Variants in CHRM5 observed in about 807,000 individuals in gnomAD.
The protein encoded by CHRM5 is muscarinic acetylcholine receptor M5.
In CHRM5, 18 loss-of-function variants were observed where a neutral mutation model predicts 39.0. The observed-to-expected ratio is 0.46, with a 90% confidence interval of 0.32 to 0.68. The LOEUF is 0.68. CHRM5 is among the 30% of genes least tolerant of loss of function. The pLI, the probability that CHRM5 is intolerant of heterozygous loss-of-function variation, is 0.04. For missense variants in CHRM5, 515 were observed against 651.1 expected, an observed-to-expected ratio of 0.79 and a Z score of 2.28; for synonymous variants, 241 against 246.3, an observed-to-expected ratio of 0.98 and a Z score of 0.20.
chr15:33,994,549 T>A (rs1896857625), intron 1 of CHRM5, among the ~76,000 whole-genome samples: 1 of 152,164 alleles, frequency 6.6e-6, no homozygotes, highest in African/African-American at 2.4e-5. Flanking sequence ...ACAAAACCGG[T>A]CCCTGGTGCC....
chr15:34,061,166 A>C (rs1270303241), intron 2 of CHRM5, among the ~76,000 whole-genome samples: 3 of 152,030 alleles, frequency 2.0e-5, no homozygotes, highest in Admixed American at 1.3e-4. Flanking sequence ...GAAAATGGGG[A>C]GCTTGCAAGC....
chr15:33,981,055 T>C (rs1372578607), intron 1 of CHRM5, among the ~76,000 whole-genome samples: 1 of 149,578 alleles, frequency 6.7e-6, no homozygotes, highest in East Asian at 2.0e-4. Context: ...AGTTTTTATA[T>C]AAACATACAA....
In CHRM5 at chr15:34,063,702, G is replaced by T. The variant is rs145125191; in HGVS notation, c.985G>T (p.Gly329Cys). 590 of 1,614,180 alleles carry T rather than the reference G, an allele frequency of 3.7e-4. 6 individuals are homozygous for T. The African/African-American group carries it at 7.0e-3, about 19-fold the overall frequency. ...PVLQVVYKSQ[G>C]KESPGEEFSA... ...CCTCCAAGTGGTCTACAAGAGTCAG[G>T]GTAAGGAAAGCCCAGGGGAAGAATT... The change falls in exon 3 of 3, where the codon GGT becomes TGT. Residue 329 changes from glycine to cysteine, a missense_variant. Coordinates refer to ENST00000383263, the MANE Select transcript of CHRM5 (RefSeq NM_012125.4). The surrounding 1 kb of genome is among the most constrained non-coding windows in gnomAD (Gnocchi z 4.1).
chr15:34,014,223 G>C (rs2140677694), intron 1 of CHRM5, among the ~76,000 whole-genome samples: 1 of 152,030 alleles, frequency 6.6e-6, no homozygotes, highest in East Asian at 1.9e-4. Context: ...AATTAGCCAG[G>C]CGTGGTGGCA....
intron 1 of CHRM5, among the ~76,000 whole-genome samples, chr15:34,008,145 G>A (rs1395434014): frequency 6.6e-6 from 1 of 152,080 alleles, no homozygotes; most frequent in East Asian, 1.9e-4. Context: ...GGTGGGCCTG[G>A]CACCATGGCT....
chr15:34,056,681 ATGAT>A (rs1261685814), intron 2 of CHRM5, among the ~76,000 whole-genome samples: 3 of 152,128 alleles, frequency 2.0e-5, no homozygotes, highest in African/African-American at 7.2e-5. Flanking sequence ...TTCTGCTTGA[ATGAT>A]TGGGAGCAGT....
At position 34,066,845 on chromosome 15, in the gene CHRM5, G is replaced by C. The variant is rs1900524400; in HGVS notation, c.*2529G>C. ...AAAAAAGAGAGAGAGAGAGGTCAATGCTTCTTTTTTTATCATTGGTTTTGG... is the reference window on the plus strand; with the variant it reads ...AAAAAAGAGAGAGAGAGAGGTCAATCCTTCTTTTTTTATCATTGGTTTTGG... On this transcript the variant is annotated 3_prime_UTR_variant, in exon 3 of 3. Coordinates refer to ENST00000383263, the MANE Select transcript of CHRM5 (RefSeq NM_012125.4). 1 of 150,940 alleles carries C rather than the reference G, an allele frequency of 6.6e-6. No individual in the cohort carries two copies. The highest frequency in any genetic ancestry group is 2.4e-5 in the African/African-American group (1 of 41,006). The allele number at this position is 150,940 out of a possible 1,614,324, so 9.4% of individuals were successfully genotyped here.
intron 1 of CHRM5, among the ~76,000 whole-genome samples, chr15:34,006,894 A>T (rs1231762001): frequency 6.6e-6 from 1 of 152,262 alleles, no homozygotes; most frequent in Non-Finnish European, 1.5e-5. Flanking sequence ...GAGACAAAAT[A>T]AAAATATGCA....
intron 1 of CHRM5, among the ~76,000 whole-genome samples, chr15:34,032,735 G>T (rs1898917691): frequency 6.6e-6 from 1 of 152,168 alleles, no homozygotes; most frequent in African/African-American, 2.4e-5. Context: ...ACCCTAGAAG[G>T]CACCTGAAGA....
At chr15:34,062,570 A>AAAC (rs1555521301) in intron 2 of CHRM5, 73 bp from the exon 3 acceptor site, 1 of 691,586 alleles carries the variant, frequency 1.4e-6, no homozygotes, top group Admixed American at 3.5e-5. Context: ...AAAAAAAAAA[A>AAAC]AAAACTATAA....
At chr15:34,015,844 A>C (rs532065146) in intron 1 of CHRM5, among the ~76,000 whole-genome samples, 13 of 152,382 alleles carry the variant, frequency 8.5e-5, no homozygotes, top group Admixed American at 3.3e-4. Flanking sequence ...GATAAAAATG[A>C]GAGGCATGAA....
intron 1 of CHRM5, among the ~76,000 whole-genome samples, chr15:33,983,087 C>T (rs150920153): frequency 6.6e-6 from 1 of 151,466 alleles, no homozygotes; most frequent in African/African-American, 2.4e-5. Flanking sequence ...ATATATAAAT[C>T]ACTTGGGATA....
At chr15:33,985,845 G>T (rs1381830979) in intron 1 of CHRM5, among the ~76,000 whole-genome samples, 3 of 152,066 alleles carry the variant, frequency 2.0e-5, no homozygotes, top group African/African-American at 7.2e-5. Context: ...TTCAAAAATA[G>T]AAGTTCAAGA....
intron 1 of CHRM5, among the ~76,000 whole-genome samples, chr15:34,025,820 G>C (rs1898442523): frequency 6.6e-6 from 1 of 151,852 alleles, no homozygotes; most frequent in South Asian, 2.1e-4. Flanking sequence ...AAAAAGACAG[G>C]CACTGGACCT....
At chr15:34,003,864 G>A (rs1897231242) in intron 1 of CHRM5, among the ~76,000 whole-genome samples, 1 of 152,084 alleles carries the variant, frequency 6.6e-6, no homozygotes, top group South Asian at 2.1e-4. Context: ...ATAAATACAT[G>A]TTATGACCAG....
chr15:33,986,812 A>G lies in CHRM5; in HGVS notation c.-408+17662A>G, dbSNP rs180961911. On this transcript the variant is annotated intron_variant, in intron 1 of 2. Transcript: ENST00000383263. ...GCTGGGACTACAGGCACGTGCCACC[A>G]TGCCCAGCTAATTGTTTTGTATTTT... Among the ~76,000 whole-genome samples, 611 of 151,508 alleles carry G rather than the reference A, an allele frequency of 4.0e-3. 3 individuals carry two copies. The highest frequency in any genetic ancestry group is 0.013 in the African/African-American group (558 of 41,482).
chr15:34,040,170 CAAA>C, intron 1 of CHRM5, among the ~76,000 whole-genome samples: 1 of 147,710 alleles, frequency 6.8e-6, no homozygotes, highest in South Asian at 2.1e-4. Flanking sequence ...AAAACAAAAA[CAAA>C]AAAAAAACCT....
intron 2 of CHRM5, among the ~76,000 whole-genome samples, chr15:34,047,725 G>C (rs1899763423): frequency 6.6e-6 from 1 of 151,710 alleles, no homozygotes; most frequent in African/African-American, 2.4e-5. Context: ...TTTGTCAGTT[G>C]GTGGCCAGAC....
chr15:33,990,110 A>C (rs1439707642), intron 1 of CHRM5, among the ~76,000 whole-genome samples: 1 of 152,070 alleles, frequency 6.6e-6, no homozygotes, highest in African/African-American at 2.4e-5. Context: ...AGGCTGAGGC[A>C]GGAGAATCAC....
Sources: allele counts gnomAD v4.1 joint callset (sites outside exome capture counted in the v4.1 genomes callset), GRCh38; gene constraint gnomAD v4.1.1; non-coding constraint Gnocchi (gnomAD v3.1); transcripts MANE v1.5; gene names NCBI Gene and HGNC (gene_info 2026-07-23, HGNC 2026-07-21).